PYGO1: variants seen among roughly 807,000 people sequenced by gnomAD.
PYGO1 encodes pygopus family PHD finger 1.
PYGO1 carries 6 observed loss-of-function variants against 29.5 expected under a neutral mutation model. The observed-to-expected ratio is 0.20, with a 90% CI of 0.11 to 0.40. The LOEUF (loss-of-function observed/expected upper bound fraction) is 0.40, where lower values mean the gene tolerates loss of function less well. Ranked by LOEUF, PYGO1 falls within the 10% of genes least tolerant of loss-of-function variation. The pLI is 1.00. For missense variants in PYGO1, 515 were observed against 514.9 expected, an observed-to-expected ratio of 1.00 and a Z score of 0.00; for synonymous variants, 186 against 180.5, an observed-to-expected ratio of 1.03 and a Z score of -0.24.
rs143956124 is a variant in PYGO1 at position 55,565,351 on chromosome 15, G to C, written c.50-16356C>G. On this transcript the variant is annotated intron_variant, in intron 1 of 2. Coordinates refer to ENST00000563719, the MANE Select transcript of PYGO1 (RefSeq NM_001367806.1). ...ATGCAAAATGGTCATATTTTCATCT[G>C]TTTTCATTTATCTCACCATGTATAA... Among the ~76,000 whole-genome samples, 240 of 152,046 alleles carry C rather than the reference G, an allele frequency of 1.6e-3. 1 individual carries two copies. The highest frequency in any genetic ancestry group is 3.5e-3 in the Admixed American group (53 of 15,268).
intron 1 of PYGO1, among the ~76,000 whole-genome samples, chr15:55,581,434 T>G (rs909622408): frequency 6.6e-6 from 1 of 152,042 alleles, no homozygotes; most frequent in Non-Finnish European, 1.5e-5. Flanking sequence ...AGAGCCAACA[T>G]AAGAAAGTTT....
At chr15:55,556,687 C>CAA (rs200192428) in intron 1 of PYGO1, among the ~76,000 whole-genome samples, 18 of 138,136 alleles carry the variant, frequency 1.3e-4, no homozygotes, top group South Asian at 2.3e-4. Context: ...AAAAACCCTT[C>CAA]AAAAAAAAAA....
chr15:55,587,622 T>C (rs2059053806), intron 1 of PYGO1, among the ~76,000 whole-genome samples: 1 of 151,142 alleles, frequency 6.6e-6, no homozygotes, highest in South Asian at 2.1e-4. Flanking sequence ...GAACACAAAG[T>C]CGGGAGGCGA....
At chr15:55,586,469 C>G (rs2059046918) in intron 1 of PYGO1, among the ~76,000 whole-genome samples, 1 of 152,216 alleles carries the variant, frequency 6.6e-6, no homozygotes, top group African/African-American at 2.4e-5. Flanking sequence ...TACTGAACGA[C>G]TGTAATTTTA....
At chr15:55,551,184 T>A (rs746226783) in intron 1 of PYGO1, among the ~76,000 whole-genome samples, 3 of 152,230 alleles carry the variant, frequency 2.0e-5, no homozygotes, top group Non-Finnish European at 4.4e-5. Flanking sequence ...GGGTTGGGGA[T>A]CCCTGGTCAA....
chr15:55,544,191 G>C lies in PYGO1; in HGVS notation c.*1832C>G, dbSNP rs760516536. Reference sequence around the variant, plus strand: ...ACCATATGAAATTGCTGTTTTTGTAGGTCAAAATTAAAACAATGTATTTAA... The same window carrying C: ...ACCATATGAAATTGCTGTTTTTGTACGTCAAAATTAAAACAATGTATTTAA... On this transcript the variant is annotated 3_prime_UTR_variant, in exon 3 of 3. Coordinates refer to ENST00000563719, the MANE Select transcript of PYGO1 (RefSeq NM_001367806.1). 1 of 152,034 alleles carries C rather than the reference G, an allele frequency of 6.6e-6. No homozygotes were observed. Among genetic ancestry groups the C allele is most frequent in the African/African-American group, 2.4e-5 (1 of 41,408 alleles). 9.4% of individuals were successfully genotyped at this position (152,034 alleles called of 1,614,324 possible). A position where few individuals can be genotyped will look rare whatever the true frequency, so the allele number is the denominator to read the frequency against.
At position 55,546,558 on chromosome 15, in the gene PYGO1, G is replaced by A. The variant is rs1266821536; in HGVS notation, c.725C>T (p.Thr242Ile). The A allele has an allele frequency of 1.2e-6, 2 of 1,614,010 alleles. No homozygotes were observed. Among genetic ancestry groups the A allele is most frequent in the Admixed American group, 1.7e-5 (1 of 59,988 alleles). ...AKAPPPKQDF[T>I]QGATKNTNQN... ...ATTAGTGTTTTTGGTTGCTCCTTGA[G>A]TAAAGTCTTGTTTTGGGGGTGGTGC... Residue 242 changes from threonine (T) to isoleucine (I), a missense_variant, in exon 3 of 3, where the codon ACT (threonine) becomes ATT (isoleucine). Transcript: ENST00000563719.
chr15:55,588,278 T>A lies in PYGO1; in HGVS notation c.-395A>T. On this transcript the variant is annotated 5_prime_UTR_variant, in exon 1 of 3. Transcript: ENST00000563719. The stretch of plus-strand genomic sequence containing the variant: ...AAGCAGGAGGCTCGCGGCCCGGCCC[T>A]GGCGGCACACTCACAGCGCCCTCTG... 6.7e-6 allele frequency among the ~76,000 whole-genome samples: 1 copy of A among 148,576 alleles called. No homozygotes were observed. Among genetic ancestry groups the A allele is most frequent in the East Asian group, 2.0e-4 (1 of 5,088 alleles).
At chr15:55,577,234 A>C (rs923312156) in intron 1 of PYGO1, among the ~76,000 whole-genome samples, 3 of 152,214 alleles carry the variant, frequency 2.0e-5, no homozygotes, top group Non-Finnish European at 2.9e-5. Context: ...TGAAAGGCTG[A>C]TCAAGGATTC....
chr15:55,551,400 C>T (rs1456395354), intron 1 of PYGO1, among the ~76,000 whole-genome samples: 1 of 152,196 alleles, frequency 6.6e-6, no homozygotes, highest in Admixed American at 6.5e-5. Context: ...AGAGGGAACA[C>T]TTCCTAACTC....
chr15:55,540,386 T>C lies in PYGO1; in HGVS notation c.*5637A>G, dbSNP rs1202603020. On this transcript the variant is annotated 3_prime_UTR_variant, in exon 3 of 3. Transcript: ENST00000563719. ...TATCAGCACAAGTTAAAAGTTACTA[T>C]ATAATTTTAGTAGTATGTGCTAAAA... is the stretch of plus-strand genomic sequence containing the variant. 3 of 152,128 alleles carry C rather than the reference T, an allele frequency of 2.0e-5. No individual in the cohort carries two copies. The highest frequency in any genetic ancestry group is 4.1e-4 in the South Asian group (2 of 4,836). 9.4% of individuals were successfully genotyped at this position (152,128 alleles called of 1,614,324 possible). A position where few individuals can be genotyped will look rare whatever the true frequency, so the allele number is the denominator to read the frequency against.
chr15:55,588,247 CAG>C lies in PYGO1; in HGVS notation c.-366_-365del, dbSNP rs1469962137. 6.7e-6 allele frequency among the ~76,000 whole-genome samples: 1 copy of C among 149,204 alleles called. No homozygotes were observed. Among genetic ancestry groups the C allele is most frequent in the African/African-American group, 2.4e-5 (1 of 41,136 alleles). On this transcript the variant is annotated 5_prime_UTR_variant, in exon 1 of 3. Transcript: ENST00000563719. Reference sequence around the variant, plus strand: ...TCGCCGCCGCCTCAGGAGCCGCTGACAGGGGAAGCAGGAGGCTCGCGGCCCGG... The same window carrying C: ...TCGCCGCCGCCTCAGGAGCCGCTGACGGGAAGCAGGAGGCTCGCGGCCCGG...
chr15:55,546,491 G>C lies in PYGO1; in HGVS notation c.792C>G (p.Asp264Glu), dbSNP rs1261411983. 1 of 1,613,998 alleles carries C rather than the reference G, an allele frequency of 6.2e-7. No homozygotes were observed. The highest frequency in any genetic ancestry group is 8.5e-7 in the Non-Finnish European group (1 of 1,179,966). ...SAHPPHLNMD[D>E]TVNQSNIELK... ...ATTCAATATTACTCTGATTCACTGT[G>C]TCATCCATATTCAAGTGAGGTGGAT... Residue 264 changes from aspartate to glutamate, a missense_variant, in exon 3 of 3, where the codon GAC (aspartate) becomes GAG (glutamate). Coordinates refer to ENST00000563719, the MANE Select transcript of PYGO1 (RefSeq NM_001367806.1).
intron 1 of PYGO1, among the ~76,000 whole-genome samples, chr15:55,582,139 A>G (rs1272014166): frequency 1.4e-5 from 2 of 144,872 alleles, no homozygotes; most frequent in African/African-American, 2.5e-5. Context: ...CCTGGGAGGC[A>G]GAGGTTGCAG....
At position 55,546,410 on chromosome 15, in the gene PYGO1, G is replaced by A. The variant is rs2141643241; in HGVS notation, c.873C>T (p.Ser291=). ...CAGGGTTATTGTTTGTGGCTTCAGTGCTACTTGAACGGCTGTTCTCCTGAT... is the reference window on the plus strand; with the variant it reads ...CAGGGTTATTGTTTGTGGCTTCAGTACTACTTGAACGGCTGTTCTCCTGAT... The part of the protein sequence containing the change: ...AVNQENSRSS[S]TEATNNNPAN... Residue 291 remains serine (S), a synonymous_variant, in exon 3 of 3, where the codon AGC becomes AGT. Transcript: ENST00000563719. 1 of 1,614,138 alleles carries A rather than the reference G, an allele frequency of 6.2e-7. No homozygotes were observed. Among genetic ancestry groups the A allele is most frequent in the Non-Finnish European group, 8.5e-7 (1 of 1,179,998 alleles).
chr15:55,570,044 G>C (rs1244235557), intron 1 of PYGO1, among the ~76,000 whole-genome samples: 1 of 152,140 alleles, frequency 6.6e-6, no homozygotes, highest in Non-Finnish European at 1.5e-5. Flanking sequence ...AGAAACAAAG[G>C]GCTTTCCCTC....
chr15:55,553,082 A>T (rs2058887001), intron 1 of PYGO1, among the ~76,000 whole-genome samples: 1 of 152,300 alleles, frequency 6.6e-6, no homozygotes, highest in East Asian at 1.9e-4. Context: ...GGCAGTCTGG[A>T]CGAAGGGGAG....
rs576996381 is a variant in PYGO1, at chr15:55,544,661, C to T, written c.*1362G>A. The T allele has an allele frequency of 7.2e-5, 11 of 152,252 alleles. No homozygotes were observed. Among genetic ancestry groups the T allele is most frequent in the Admixed American group, 1.3e-4 (2 of 15,292 alleles). The allele number at this position is 152,252 out of a possible 1,614,324, so 9.4% of individuals were successfully genotyped here. ...AATAACAGTAATTATTTATCTCTTT[C>T]GTAGATCACCACACAATCTTCAGAA... On this transcript the variant is annotated 3_prime_UTR_variant, in exon 3 of 3. Transcript: ENST00000563719.
At chr15:55,571,898 TA>T (rs138424290) in intron 1 of PYGO1, among the ~76,000 whole-genome samples, 2 of 152,214 alleles carry the variant, frequency 1.3e-5, no homozygotes, top group African/African-American at 4.8e-5. Context: ...TAATGTGAGG[TA>T]AAAAACAATG....
Sources: gnomAD v4.1 joint callset for allele counts (sites outside exome capture counted in the v4.1 genomes callset) on GRCh38, gnomAD v4.1.1 for gene constraint, MANE v1.5 for transcripts, NCBI Gene and HGNC (gene_info 2026-07-23, HGNC 2026-07-21) for gene names.